The following STK33 variants were observed in gnomAD, a reference collection of about 807,000 sequenced individuals.
The protein encoded by STK33 is serine/threonine kinase 33, also known as serine/threonine-protein kinase 33.
A neutral mutation model predicts 58.0 loss-of-function variants in STK33; 52 were observed. The observed-to-expected ratio is 0.90, with a 90% CI of 0.72 to 1.13. STK33 has a LOEUF of 1.13. Among genes scored for constraint, STK33 ranks in the 50% most tolerant of loss-of-function variants. STK33 has a pLI of 0.00. For synonymous variants in STK33, 215 were observed against 200.1 expected (o/e 1.07, Z -0.63); for missense variants, 630 against 604.2 (o/e 1.04, Z -0.45).
chr11:8,408,033 G>A (rs1307471689), intron 15 of STK33, among the ~76,000 whole-genome samples: 1 of 152,084 alleles, frequency 6.6e-6, no homozygotes. Flanking sequence ...AAGAAAAAAG[G>A]AAAGAAGAGT....
chr11:8,543,688 A>G (rs778980214), intron 1 of STK33, among the ~76,000 whole-genome samples: 2 of 152,216 alleles, frequency 1.3e-5, no homozygotes, highest in Non-Finnish European at 2.9e-5. Flanking sequence ...ATTTGATAGC[A>G]CAACAGGGTG....
chr11:8,340,979 C>G, the STK33 span, among the ~76,000 whole-genome samples: 65,209 of 152,114 alleles, frequency 0.43, 15,598 homozygotes, highest in Non-Finnish European at 0.54. Context: ...CTGCCTCAGT[C>G]TCCCCAATAG....
chr11:8,537,983 T>G (rs1403134392), intron 1 of STK33, among the ~76,000 whole-genome samples: 1 of 151,776 alleles, frequency 6.6e-6, no homozygotes, highest in Non-Finnish European at 1.5e-5. Context: ...GCCGAGGCAT[T>G]CAAGGCCAGA....
At chr11:8,583,997 A>C (rs1445793310) in intron 1 of STK33, among the ~76,000 whole-genome samples, 1 of 152,148 alleles carries the variant, frequency 6.6e-6, no homozygotes, top group Non-Finnish European at 1.5e-5. Context: ...GAGCTCAAAA[A>C]GCTAAAATGC....
At chr11:8,436,888 G>A (rs1031382238) in intron 12 of STK33, among the ~76,000 whole-genome samples, 19 of 152,122 alleles carry the variant, frequency 1.2e-4, no homozygotes, top group Admixed American at 2.0e-4. Context: ...AGTACAGACA[G>A]GGTTTCACCA....
the STK33 span, among the ~76,000 whole-genome samples, chr11:8,335,725 T>C: frequency 6.6e-6 from 1 of 152,194 alleles, no homozygotes; most frequent in Non-Finnish European, 1.5e-5. Context: ...TTTAACCCAA[T>C]ATTATTACTG....
intron 1 of STK33, among the ~76,000 whole-genome samples, chr11:8,517,263 T>G (rs1654636513): frequency 6.6e-6 from 1 of 152,004 alleles, no homozygotes; most frequent in Non-Finnish European, 1.5e-5. Context: ...GACCTGCAGG[T>G]GAGGGTCCTG....
At chr11:8,341,841 A>C in the STK33 span, among the ~76,000 whole-genome samples, 1 of 152,214 alleles carries the variant, frequency 6.6e-6, no homozygotes. Context: ...AAATTGCTAA[A>C]TTGTTGTGAT....
At chr11:8,490,559 G>A (rs865810293) in intron 1 of STK33, among the ~76,000 whole-genome samples, 1 of 152,318 alleles carries the variant, frequency 6.6e-6, no homozygotes, top group Admixed American at 6.5e-5. Flanking sequence ...GCTGTGAAGA[G>A]AGCAGTGGTT....
chr11:8,526,972 T>C (rs1954090254), intron 1 of STK33, among the ~76,000 whole-genome samples: 1 of 29,568 alleles, frequency 3.4e-5, no homozygotes, highest in African/African-American at 1.9e-4. Context: ...AGATTTCCTC[T>C]TTTTTTTTTT....
the STK33 span, among the ~76,000 whole-genome samples, chr11:8,357,666 C>T: frequency 2.0e-5 from 3 of 152,140 alleles, no homozygotes; most frequent in Non-Finnish European, 4.4e-5. Flanking sequence ...GGTCCTCCTG[C>T]CCTCACACCC....
chr11:8,424,822 T>G (rs949184412), intron 14 of STK33, among the ~76,000 whole-genome samples: 1 of 141,490 alleles, frequency 7.1e-6, no homozygotes, highest in African/African-American at 2.8e-5. Context: ...CTTTGCCCAC[T>G]TTTTGATGGG....
chr11:8,500,102 G>A lies in STK33; in HGVS notation c.-465-19488C>T, dbSNP rs139425479. Among the ~76,000 whole-genome samples the A allele has an allele frequency of 7.9e-5, 12 of 151,926 alleles. No individual in the cohort carries two copies. The East Asian group carries it at 1.2e-3, about 15-fold the overall frequency. ...AAACATAAGTAACATCATACTTAAC[G>A]GTGAAAGATTGAAAGCTTTCCTCTA... On this transcript the variant is annotated intron_variant, in intron 1 of 15. Coordinates refer to ENST00000687296, the MANE Select transcript of STK33 (RefSeq NM_001352389.2).
intron 11 of STK33, among the ~76,000 whole-genome samples, chr11:8,450,732 T>A (rs368216948): frequency 6.6e-6 from 1 of 152,100 alleles, no homozygotes; most frequent in Non-Finnish European, 1.5e-5. Context: ...TCAAAGCTCC[T>A]AAATAAAAGT....
chr11:8,338,540 T>C, the STK33 span, among the ~76,000 whole-genome samples: 1 of 152,024 alleles, frequency 6.6e-6, no homozygotes, highest in Non-Finnish European at 1.5e-5. Flanking sequence ...CACAAGCCAC[T>C]CCCAGAGGGT....
In STK33 at chr11:8,413,542, T is replaced by C; in HGVS notation, c.1297A>G (p.Asn433Asp). 6.2e-7 allele frequency: 1 copy of C among 1,614,088 alleles called. No homozygotes were observed. The highest frequency in any genetic ancestry group is 1.6e-4 in the Middle Eastern group (1 of 6,062). The change falls in exon 15 of 16, where the codon AAT becomes GAT. Residue 433 changes from asparagine (N) to aspartate (D), a missense_variant. Coordinates refer to ENST00000687296, the MANE Select transcript of STK33 (RefSeq NM_001352389.2). ...EKLKSYQPWG[N>D]VPDANYTSDE... ...GAAGTGTAATTGGCATCAGGGACAT[T>C]TCCCCAGGGTTGGTAACTTTTCAAC...
At chr11:8,410,941 T>G (rs1438931449) in intron 15 of STK33, among the ~76,000 whole-genome samples, 1 of 152,262 alleles carries the variant, frequency 6.6e-6, no homozygotes, top group African/African-American at 2.4e-5. Context: ...GGAGGTATAC[T>G]TTAATTATGG....
chr11:8,490,942 A>C (rs1449124115), intron 1 of STK33, among the ~76,000 whole-genome samples: 2 of 152,240 alleles, frequency 1.3e-5, no homozygotes, highest in Non-Finnish European at 2.9e-5. Flanking sequence ...GTAGGTCACC[A>C]ACATCAAAGA....
At chr11:8,565,637 C>G (rs1957398349) in intron 1 of STK33, 2 of 152,226 alleles carry the variant, frequency 1.3e-5, no homozygotes, top group Admixed American at 6.5e-5. Flanking sequence ...ACATAAAGCT[C>G]TTAGCACAGT....
Sources: gnomAD v4.1 joint callset for allele counts (sites outside exome capture counted in the v4.1 genomes callset) on GRCh38, gnomAD v4.1.1 for gene constraint, MANE v1.5 for transcripts, NCBI Gene and HGNC (gene_info 2026-07-23, HGNC 2026-07-21) for gene names.